The following WHAMM variants were observed in gnomAD, a reference collection of about 807,000 sequenced individuals.
The protein encoded by WHAMM is WASP homolog-associated protein with actin, membranes and microtubules.
A neutral mutation model predicts 76.5 loss-of-function variants in WHAMM; 67 were observed. The observed-to-expected ratio is 0.88, with a 90% CI of 0.72 to 1.07. WHAMM has a LOEUF of 1.07. WHAMM is among the 50% of genes least tolerant of loss of function. WHAMM has a pLI of 0.00. For missense variants in WHAMM, 1,021 were observed against 1,051.1 expected, an observed-to-expected ratio of 0.97 and a Z score of 0.40; for synonymous variants, 419 against 422.1, an observed-to-expected ratio of 0.99 and a Z score of 0.09.
chr15:82,828,451 G>GC (rs768423807), intron 8 of WHAMM, among the ~76,000 whole-genome samples: 2 of 152,192 alleles, frequency 1.3e-5, no homozygotes, highest in Admixed American at 6.5e-5. Context: ...TGAATTGAAG[G>GC]AGCTGCATGA....
At chr15:82,823,801 AGT>A (rs2050880363) in intron 6 of WHAMM, among the ~76,000 whole-genome samples, 1 of 152,076 alleles carries the variant, frequency 6.6e-6, no homozygotes, top group Admixed American at 6.6e-5. Context: ...CCTGACCTCA[AGT>A]GATCCGCCCA....
rs1047821588 is a variant in WHAMM at position 82,809,972 on chromosome 15, C to T, written c.246C>T (p.Leu82=). ...AVSPSSWAGL[L]SAAGLRGAHR... ...CCCCGTCCAGCTGGGCCGGCCTGCT[C>T]TCGGCCGCGGGGCTCCGCGGCGCGC... Residue 82 remains leucine, a synonymous_variant, in exon 1 of 10, where the codon CTC becomes CTT. Coordinates refer to ENST00000286760, the MANE Select transcript of WHAMM (RefSeq NM_001080435.3). 41 of 1,315,080 alleles carry T rather than the reference C, an allele frequency of 3.1e-5. No homozygotes were observed. The highest frequency in any genetic ancestry group is 3.7e-5 in the Non-Finnish European group (38 of 1,032,340). The allele number at this position is 1,315,080 out of a possible 1,614,324, so 81.5% of individuals were successfully genotyped here. A position where few individuals can be genotyped will look rare whatever the true frequency, so the allele number is the denominator to read the frequency against.
At chr15:82,818,317 T>C (rs914993093) in intron 4 of WHAMM, among the ~76,000 whole-genome samples, 8 of 152,206 alleles carry the variant, frequency 5.3e-5, no homozygotes, top group African/African-American at 1.7e-4. Context: ...GTGTGTATTA[T>C]TCCACACTGT....
Position 82,810,186 on chromosome 15 carries a change from G to T in WHAMM, c.460G>T (p.Gly154Cys). ...ELCGQLERYL[G>C]AAADGCGGAT... ...GTGCGGGCAGCTGGAACGCTATCTG[G>T]GCGCGGCGGCCGACGGCTGCGGCGG... Residue 154 changes from glycine (G) to cysteine (C), a missense_variant, in exon 1 of 10, where the codon GGC (glycine) becomes TGC (cysteine). This residue lies in a region of WHAMM where 501 missense variants were observed against 524.9 expected (regional missense o/e 0.95). Transcript: ENST00000286760. 1 of 1,404,890 alleles carries T rather than the reference G, an allele frequency of 7.1e-7. No individual in the cohort carries two copies. Among genetic ancestry groups the T allele is most frequent in the South Asian group, 1.4e-5 (1 of 71,780 alleles). 87.0% of individuals were successfully genotyped at this position (1,404,890 alleles called of 1,614,324 possible).
chr15:82,831,058 T>A lies in WHAMM; in HGVS notation c.2101T>A (p.Leu701Met). The change falls in exon 9 of 10, where the codon TTG becomes ATG. Residue 701 changes from leucine (L) to methionine (M), a missense_variant. Leu to Met is a conservative substitution (Grantham distance 15, BLOSUM62 2). This residue lies in a region of WHAMM where 509 missense variants were observed against 492.3 expected (regional missense o/e 1.03). Coordinates refer to ENST00000286760, the MANE Select transcript of WHAMM (RefSeq NM_001080435.3). ...ESPAERPRDSLESFSCPGSMD... is the reference protein window; with the variant it reads ...ESPAERPRDSMESFSCPGSMD... ...ACCTGCTGAGCGACCACGTGACTCC[T>A]TGGAAAGTTTTTCATGTCCAGGTAA... The A allele has an allele frequency of 1.2e-6, 2 of 1,607,790 alleles. No homozygotes were observed. Among genetic ancestry groups the A allele is most frequent in the Non-Finnish European group, 8.5e-7 (1 of 1,179,650 alleles).
intron 2 of WHAMM, among the ~76,000 whole-genome samples, chr15:82,816,330 T>C (rs754667934): frequency 1.3e-5 from 2 of 152,254 alleles, no homozygotes; most frequent in Admixed American, 1.3e-4. Flanking sequence ...ACTTAAGTGC[T>C]GTGTTCCAGG....
chr15:82,819,423 A>G lies in WHAMM; in HGVS notation c.1205A>G (p.Glu402Gly). The change falls in exon 5 of 10, where the codon GAG becomes GGG. Residue 402 changes from glutamate to glycine, a missense_variant. Glu to Gly is a moderately conservative substitution (Grantham distance 98). This residue lies in a region of WHAMM where 11 missense variants were observed against 34.0 expected (regional missense o/e 0.32). Coordinates refer to ENST00000286760, the MANE Select transcript of WHAMM (RefSeq NM_001080435.3). ...IQLELYEVKF[E>G]ILKNEEILLT... is the part of the protein sequence containing the mutation. The stretch of plus-strand genomic sequence containing the variant: ...TTAGAACTATATGAAGTTAAATTTG[A>G]GATATTAAAAAACGAAGAAATACTG... 1 of 1,250,532 alleles carries G rather than the reference A, an allele frequency of 8.0e-7. No homozygotes were observed. The highest frequency in any genetic ancestry group is 3.6e-5 in the Admixed American group (1 of 28,168). 77.5% of individuals were successfully genotyped at this position (1,250,532 alleles called of 1,614,324 possible). A position where few individuals can be genotyped will look rare whatever the true frequency, so the allele number is the denominator to read the frequency against.
At chr15:82,816,630 T>A (rs1190229555) in intron 2 of WHAMM, 62 bp from the exon 3 acceptor site, 1 of 1,461,968 alleles carries the variant, frequency 6.8e-7, no homozygotes, top group Non-Finnish European at 9.1e-7. Flanking sequence ...TTCCTTTCAA[T>A]TTCCTAATGG....
Position 82,810,078 on chromosome 15 carries a change from G to A in WHAMM, c.352G>A (p.Gly118Arg). 8.2e-7 allele frequency: 1 copy of A among 1,216,520 alleles called. No homozygotes were observed. Among genetic ancestry groups the A allele is most frequent in the Non-Finnish European group, 1.0e-6 (1 of 980,952 alleles). The allele number at this position is 1,216,520 out of a possible 1,614,324, so 75.4% of individuals were successfully genotyped here. ...LPPELDVGGG[G>R]AWGLGLGLWA... ...GCCGGAGCTGGACGTGGGCGGCGGC[G>A]GGGCCTGGGGTCTGGGGCTCGGGCT... Residue 118 changes from glycine to arginine, a missense_variant, in exon 1 of 10, where the codon GGG becomes AGG. Transcript: ENST00000286760.
chr15:82,822,417 C>T (rs757015501), intron 5 of WHAMM, among the ~76,000 whole-genome samples: 55 of 152,106 alleles, frequency 3.6e-4, no homozygotes, highest in Non-Finnish European at 6.8e-4. Context: ...TACTATGCTG[C>T]CATTAAAATT....
rs2051111114 is a variant in WHAMM, at chr15:82,835,145, G to GAGAC, written c.*1613_*1616dup. The GAGAC allele has an allele frequency of 1.0e-5, 1 of 99,270 alleles. No individual in the cohort carries two copies. The highest frequency in any genetic ancestry group is 3.9e-5 in the African/African-American group (1 of 25,398). The allele number at this position is 99,270 out of a possible 1,614,324, so 6.1% of individuals were successfully genotyped here. On this transcript the variant is annotated 3_prime_UTR_variant, in exon 10 of 10. Transcript: ENST00000286760. Reference sequence around the variant, plus strand: ...CTTCAGTTTTTTTGTTTTTTTTTTTGAGACAGAGTCTTGCTCTGTCAACCA... The same window carrying GAGAC: ...CTTCAGTTTTTTTGTTTTTTTTTTTGAGACAGACAGAGTCTTGCTCTGTCAACCA...
chr15:82,813,742 C>T (rs533265020), intron 2 of WHAMM, among the ~76,000 whole-genome samples: 9 of 141,214 alleles, frequency 6.4e-5, no homozygotes, highest in African/African-American at 2.1e-4. Flanking sequence ...CTCACTGCAA[C>T]CTCCTCCAGG....
chr15:82,831,178 A>G (rs2051027933), intron 9 of WHAMM, 99 bp downstream of exon 9: 2 of 1,508,246 alleles, frequency 1.3e-6, no homozygotes, highest in African/African-American at 1.4e-5. Context: ...AATCATTTTT[A>G]TAATTCTCTA....
chr15:82,823,501 G>A (rs1303313970), intron 6 of WHAMM, among the ~76,000 whole-genome samples: 1 of 151,910 alleles, frequency 6.6e-6, no homozygotes, highest in Non-Finnish European at 1.5e-5. Context: ...CAAATCTCAA[G>A]GTTTTAATTT....
intron 9 of WHAMM, among the ~76,000 whole-genome samples, chr15:82,831,693 A>G (rs964736885): frequency 1.3e-5 from 2 of 152,208 alleles, no homozygotes; most frequent in African/African-American, 2.4e-5. Flanking sequence ...TAATAGGGCT[A>G]TAGTTCTCAC....
At chr15:82,829,727 G>C (rs1197039444) in intron 8 of WHAMM, among the ~76,000 whole-genome samples, 1 of 151,960 alleles carries the variant, frequency 6.6e-6, no homozygotes, top group Non-Finnish European at 1.5e-5. Flanking sequence ...GTTTAGGTTT[G>C]CATTGATAGG....
intron 6 of WHAMM, among the ~76,000 whole-genome samples, chr15:82,825,042 T>C (rs980063873): frequency 1.3e-5 from 2 of 152,114 alleles, no homozygotes; most frequent in Non-Finnish European, 2.9e-5. Flanking sequence ...GGAGGATCGC[T>C]TGAAGCCAGG....
chr15:82,831,154 C>T (rs1162449144), intron 9 of WHAMM, 75 bp downstream of exon 9: 1 of 1,526,374 alleles, frequency 6.6e-7, no homozygotes. Context: ...CAGAAGCCAT[C>T]ATCTTCAAAT....
Position 82,830,876 on chromosome 15 carries a change from C to T in WHAMM, c.1919C>T (p.Pro640Leu). The change falls in exon 9 of 10, where the codon CCA (proline) becomes CTA (leucine). Residue 640 changes from proline to leucine, a missense_variant. Pro to Leu is a moderately conservative substitution (Grantham distance 98). This residue lies in a region of WHAMM where 509 missense variants were observed against 492.3 expected (regional missense o/e 1.03). Transcript: ENST00000286760. The stretch of plus-strand genomic sequence containing the variant: ...TCCAGTGAGGAATTGTCACTGCCAC[C>T]ACCTCCTCCTCCTCCACCACCACCA... ...SKSSEELSLP[P>L]PPPPPPPPPP... 1 of 1,581,356 alleles carries T rather than the reference C, an allele frequency of 6.3e-7. No homozygotes were observed. Among genetic ancestry groups the T allele is most frequent in the Non-Finnish European group, 8.6e-7 (1 of 1,163,326 alleles).
Sources: allele counts gnomAD v4.1 joint callset (sites outside exome capture counted in the v4.1 genomes callset), GRCh38; gene constraint gnomAD v4.1.1; regional missense constraint gnomAD v4.1.1; transcripts MANE v1.5; gene names NCBI Gene and HGNC (gene_info 2026-07-23, HGNC 2026-07-21).